Variants in CHD6 observed in about 807,000 individuals in gnomAD.
The protein encoded by CHD6 is chromodomain helicase DNA binding protein 6.
A neutral mutation model predicts 276.9 loss-of-function variants in CHD6; 50 were observed. That is an observed-to-expected ratio of 0.18 (90% confidence interval 0.14 to 0.23). The LOEUF is 0.23. Ranked by LOEUF, CHD6 falls within the 10% of genes least tolerant of loss-of-function variation. The pLI, the probability that CHD6 is intolerant of heterozygous loss-of-function variation, is 1.00. For missense variants in CHD6, 2,564 were observed against 3,365.8 expected (o/e 0.76, Z 5.89); for synonymous variants, 1,173 against 1,229.3 (o/e 0.95, Z 0.96).
At chr20:41,588,606 G>A (rs2045621632) in intron 1 of CHD6, among the ~76,000 whole-genome samples, 1 of 152,282 alleles carries the variant, frequency 6.6e-6, no homozygotes, top group South Asian at 2.1e-4. Context: ...TACTACAGGA[G>A]AGTGAGGAAT....
In CHD6 at chr20:41,493,902, G is replaced by A; in HGVS notation, c.1135C>T (p.Arg379Cys). 2 of 1,613,790 alleles carry A rather than the reference G, an allele frequency of 1.2e-6. No homozygotes were observed. Among genetic ancestry groups the A allele is most frequent in the East Asian group, 2.2e-5 (1 of 44,818 alleles). Residue 379 changes from arginine (R) to cysteine (C), a missense_variant, in exon 9 of 37, where the codon CGC (arginine) becomes TGC (cysteine). By Grantham distance (180) the Arg-to-Cys change is radical. Around this residue, in one of 7 missense-constraint regions of CHD6, gnomAD observed 457 missense variants for 889.0 expected, o/e 0.51. Transcript: ENST00000373233. ...LFNPDYVEVD[R>C]ILEVAHTKDA... ...TTGGTGTGGGCCACCTCCAAGATGC[G>A]ATCAACTTCTACATAGTCTGGATTG...
intron 1 of CHD6, among the ~76,000 whole-genome samples, chr20:41,554,381 A>G (rs538147337): frequency 1.4e-5 from 1 of 72,016 alleles, no homozygotes; most frequent in Non-Finnish European, 2.4e-5. Flanking sequence ...TTTATTTTTT[A>G]TTTATTTATT....
chr20:41,470,735 G>A (rs188623512), intron 17 of CHD6, among the ~76,000 whole-genome samples: 27 of 152,354 alleles, frequency 1.8e-4, no homozygotes, highest in Non-Finnish European at 3.5e-4. Flanking sequence ...CACCTCAGAT[G>A]ACTTTGCCTT....
intron 1 of CHD6, among the ~76,000 whole-genome samples, chr20:41,598,899 C>A (rs1419009040): frequency 6.6e-6 from 1 of 152,152 alleles, no homozygotes; most frequent in Non-Finnish European, 1.5e-5. Context: ...CCATCCCACC[C>A]TGGCATTTCG....
At chr20:41,432,596 C>A (rs979083769) in intron 27 of CHD6, among the ~76,000 whole-genome samples, 1 of 152,092 alleles carries the variant, frequency 6.6e-6, no homozygotes, top group African/African-American at 2.4e-5. Context: ...GGTGCCCCCC[C>A]CGACCTCTGT....
At chr20:41,574,726 T>C (rs548627009) in intron 1 of CHD6, among the ~76,000 whole-genome samples, 1 of 152,322 alleles carries the variant, frequency 6.6e-6, no homozygotes, top group South Asian at 2.1e-4. Flanking sequence ...GTGGCTGTTT[T>C]ATCTTGTAAG....
At chr20:41,541,229 G>C (rs972121317) in intron 2 of CHD6, among the ~76,000 whole-genome samples, 1 of 152,030 alleles carries the variant, frequency 6.6e-6, no homozygotes, top group Non-Finnish European at 1.5e-5. Context: ...GTCAGTCCCC[G>C]ACTCATAATG....
intron 3 of CHD6, among the ~76,000 whole-genome samples, chr20:41,519,071 C>G (rs1425509536): frequency 6.6e-6 from 1 of 152,110 alleles, no homozygotes; most frequent in African/African-American, 2.4e-5. Context: ...TGCTTGAGCT[C>G]AGGAGTTCAA....
Position 41,499,284 on chromosome 20 carries a change from G to A in CHD6, c.915+11C>T, listed in dbSNP as rs971037237. 38 of 1,595,064 alleles carry A rather than the reference G, an allele frequency of 2.4e-5. No individual in the cohort carries two copies. Among genetic ancestry groups the A allele is most frequent in the Non-Finnish European group, 3.2e-5 (37 of 1,170,020 alleles). ...CTAATGATATAAAAGCTAGAAACAT[G>A]AGCCACCAACCTCCTGGACAGTCTT... is the stretch of plus-strand genomic sequence containing the variant. On this transcript the variant is annotated intron_variant, in intron 6 of 36. Transcript: ENST00000373233.
intron 2 of CHD6, among the ~76,000 whole-genome samples, chr20:41,545,811 T>C (rs1310757546): frequency 1.3e-5 from 2 of 152,104 alleles, no homozygotes; most frequent in East Asian, 1.9e-4. Context: ...AAACCACCTA[T>C]ATTACTCTCT....
At position 41,421,976 on chromosome 20, in the gene CHD6, G is replaced by C; in HGVS notation, c.4659C>G (p.Leu1553=). 1.2e-6 allele frequency: 2 copies of C among 1,614,222 alleles called. No homozygotes were observed. The highest frequency in any genetic ancestry group is 1.7e-6 in the Non-Finnish European group (2 of 1,180,030). Residue 1553 remains leucine (L), a synonymous_variant, in exon 31 of 37, where the codon CTC becomes CTG. Coordinates refer to ENST00000373233, the MANE Select transcript of CHD6 (RefSeq NM_032221.5). ...GGCGTTCATGCAGCTGAGGGCACTTGAGCACTTGCTCTCGGACTTTCCGTA... is the reference window on the plus strand; with the variant it reads ...GGCGTTCATGCAGCTGAGGGCACTTCAGCACTTGCTCTCGGACTTTCCGTA... ...ELLRKVREQV[L]KCPQLHERLQ...
intron 35 of CHD6, 33 bp downstream of exon 35, chr20:41,413,291 C>G: frequency 6.7e-7 from 1 of 1,490,246 alleles, no homozygotes; most frequent in Non-Finnish European, 9.0e-7. Context: ...AGGAAGTAAA[C>G]AGTGATCTCA....
chr20:41,447,963 A>C lies in CHD6; in HGVS notation c.3692T>G (p.Leu1231Trp). ...TAGGTAGTACAGCATCCGGACTCGC[A>C]AAAGTACTCTATGAAAGGTGAACAC... Reference protein sequence around the residue: ...HLKQHCNKVLLRVRMLYYLKA... With the variant: ...HLKQHCNKVLWRVRMLYYLKA... Residue 1231 changes from leucine (L) to tryptophan (W), a missense_variant, in exon 24 of 37, where the codon TTG (leucine) becomes TGG (tryptophan). Coordinates refer to ENST00000373233, the MANE Select transcript of CHD6 (RefSeq NM_032221.5). 6.2e-7 allele frequency: 1 copy of C among 1,606,026 alleles called. No individual in the cohort carries two copies. The highest frequency in any genetic ancestry group is 8.5e-7 in the Non-Finnish European group (1 of 1,174,384).
intron 1 of CHD6, among the ~76,000 whole-genome samples, chr20:41,602,918 C>T (rs995985433): frequency 5.3e-5 from 8 of 152,060 alleles, no homozygotes; most frequent in African/African-American, 1.4e-4. Context: ...CCTGGGCTCA[C>T]GTGATCTGCC....
At chr20:41,487,604 CTCTTT>C (rs2043448206) in intron 14 of CHD6, 56 bp downstream of exon 14, 1 of 1,508,686 alleles carries the variant, frequency 6.6e-7, no homozygotes, top group Non-Finnish European at 8.9e-7. Flanking sequence ...TAGCATCCTG[CTCTTT>C]TCTTGATGAA....
Position 41,488,672 on chromosome 20 carries a change from A to C in CHD6, c.1681-68T>G, listed in dbSNP as rs1018991009. 8.5e-6 allele frequency: 12 copies of C among 1,415,264 alleles called. No individual in the cohort carries two copies. The Admixed American group carries it at 2.3e-4, about 27-fold the overall frequency. The allele number at this position is 1,415,264 out of a possible 1,614,324, so 87.7% of individuals were successfully genotyped here. A position where few individuals can be genotyped will look rare whatever the true frequency, so the allele number is the denominator to read the frequency against. ...ATAGAATTCTGCTAATATCTGCTGG[A>C]CTACAGGAGGCAGCACTACAGATGC... On this transcript the variant is annotated intron_variant, in intron 12 of 36. Coordinates refer to ENST00000373233, the MANE Select transcript of CHD6 (RefSeq NM_032221.5).
At chr20:41,506,316 C>A (rs1474231886) in intron 5 of CHD6, among the ~76,000 whole-genome samples, 4 of 152,134 alleles carry the variant, frequency 2.6e-5, no homozygotes, top group East Asian at 3.9e-4. Flanking sequence ...TCTACAAATC[C>A]TACAGGGTTC....
At chr20:41,496,951 T>C (rs1446675389) in intron 8 of CHD6, 4 of 181,284 alleles carry the variant, frequency 2.2e-5, no homozygotes, top group African/African-American at 7.1e-5. Context: ...ATAGGTACAA[T>C]ACTTAGAAAT....
chr20:41,510,328 G>T lies in CHD6; in HGVS notation c.852+2518C>A, dbSNP rs185398629. ...AACAGTTTTAAGTGGAGCTGTTTTG[G>T]TTCTGCAGCAACGAGGACTCTACAG... On this transcript the variant is annotated intron_variant, in intron 5 of 36. Coordinates refer to ENST00000373233, the MANE Select transcript of CHD6 (RefSeq NM_032221.5). Among the ~76,000 whole-genome samples, 29 of 152,292 alleles carry T rather than the reference G, an allele frequency of 1.9e-4. No homozygotes were observed. The East Asian group carries it at 5.0e-3, about 26-fold the overall frequency.
Sources: gnomAD v4.1 joint callset for allele counts (sites outside exome capture counted in the v4.1 genomes callset) on GRCh38, gnomAD v4.1.1 for gene constraint, gnomAD v4.1.1 regional missense constraint, MANE v1.5 for transcripts, NCBI Gene and HGNC (gene_info 2026-07-23, HGNC 2026-07-21) for gene names.